DNAH8: variants seen among roughly 807,000 people sequenced by gnomAD.
DNAH8 encodes dynein axonemal heavy chain 8.
In DNAH8, 382 loss-of-function variants were observed where a neutral mutation model predicts 562.1. The ratio of observed to expected loss-of-function variants is 0.68; its 90% CI spans 0.63 to 0.74. The LOEUF is 0.74. Among genes scored for constraint, DNAH8 ranks in the 30% least tolerant of loss-of-function variants. The probability of loss-of-function intolerance (pLI) is 0.00; values close to 1 mark genes in which losing one functional copy is unlikely to be tolerated. For missense variants in DNAH8, 5,203 were observed against 5,620.4 expected, an observed-to-expected ratio of 0.93 and a Z score of 2.37; for synonymous variants, 1,881 against 1,919.4, an observed-to-expected ratio of 0.98 and a Z score of 0.52.
At chr6:38,735,492 C>CT (rs1176893399) in intron 5 of DNAH8, among the ~76,000 whole-genome samples, 2 of 152,238 alleles carry the variant, frequency 1.3e-5, no homozygotes, top group East Asian at 3.9e-4. Flanking sequence ...GGTAATCTGT[C>CT]TTTTTTTCTT....
chr6:38,957,900 T>C (rs1355501136), intron 82 of DNAH8, among the ~76,000 whole-genome samples: 2 of 93,558 alleles, frequency 2.1e-5, no homozygotes, highest in South Asian at 6.7e-4. Context: ...AGATCACAAA[T>C]AACCTAATGT....
chr6:38,911,546 G>A lies in DNAH8; in HGVS notation c.9819G>A (p.Lys3273=), dbSNP rs267601018. The A allele has an allele frequency of 3.1e-6, 5 of 1,613,106 alleles. No individual in the cohort carries two copies. The highest frequency in any genetic ancestry group is 1.3e-5 in the African/African-American group (1 of 74,868). Residue 3273 remains lysine (K), a synonymous_variant, in exon 66 of 93, where the codon AAG becomes AAA. Coordinates refer to ENST00000327475, the MANE Select transcript of DNAH8 (RefSeq NM_001206927.2). ...GTTATAAAAACATTTATGCTGAAAAGGTGAAGTTCATTAATGAACAGGCTG... is the reference window on the plus strand; with the variant it reads ...GTTATAAAAACATTTATGCTGAAAAAGTGAAGTTCATTAATGAACAGGCTG... ...INGYKNIYAE[K]VKFINEQAER...
At chr6:38,972,954 C>A in intron 83 of DNAH8, among the ~76,000 whole-genome samples, 1 of 152,080 alleles carries the variant, frequency 6.6e-6, no homozygotes, top group Non-Finnish European at 1.5e-5. Flanking sequence ...ATATGCCTTG[C>A]CATATATTTA....
rs763105332 is a variant in DNAH8, at chr6:39,012,597, G to A, written c.13674G>A (p.Arg4558=). 11 of 1,613,994 alleles carry A rather than the reference G, an allele frequency of 6.8e-6. No individual in the cohort carries two copies. Among genetic ancestry groups the A allele is most frequent in the South Asian group, 2.2e-5 (2 of 91,080 alleles). ...AQFSTWIFEG[R]PNVFWMTGFF... is the part of the protein sequence containing the mutation. ...TTTCTACGTGGATATTTGAAGGGAG[G>A]CCTAATGTGTTTTGGATGACTGGTT... The change falls in exon 91 of 93, where the codon AGG becomes AGA. Residue 4558 remains arginine (R), a synonymous_variant. Transcript: ENST00000327475.
chr6:39,019,410 T>C (rs759185500), intron 91 of DNAH8, among the ~76,000 whole-genome samples: 1 of 152,132 alleles, frequency 6.6e-6, no homozygotes, highest in Non-Finnish European at 1.5e-5. Flanking sequence ...AGCAAGAAGA[T>C]GTTGGTGGAG....
chr6:38,935,444 G>C, intron 76 of DNAH8, 148 bp from the exon 77 acceptor site: 4 of 601,712 alleles, frequency 6.6e-6, no homozygotes, highest in Non-Finnish European at 1.1e-5. Context: ...TGGATAGATA[G>C]ATTTGGCTAA....
In DNAH8 at chr6:38,951,498, A is replaced by T. The variant is rs764487812; in HGVS notation, c.12429A>T (p.Ala4143=). The change falls in exon 82 of 93, where the codon GCA becomes GCT. Residue 4143 remains alanine (A), a synonymous_variant. Transcript: ENST00000327475. ...MGSDPTNQID[A]LAKKLKLECR... is the part of the protein sequence containing the mutation. ...CTGACCCCACCAATCAAATTGATGC[A>T]TTGGCCAAGAAACTGAAACTGGGTA... 1.2e-6 allele frequency: 2 copies of T among 1,613,982 alleles called. No homozygotes were observed. The highest frequency in any genetic ancestry group is 1.7e-6 in the Non-Finnish European group (2 of 1,179,906).
rs767035370 is a variant in DNAH8, at chr6:38,872,833, A to G, written c.7237+51A>G. 1.9e-6 allele frequency: 3 copies of G among 1,608,508 alleles called. No homozygotes were observed. In the South Asian group the frequency reaches 3.3e-5, roughly 18 times the overall value. On this transcript the variant is annotated intron_variant, in intron 50 of 92. Coordinates refer to ENST00000327475, the MANE Select transcript of DNAH8 (RefSeq NM_001206927.2). ...ATTTTTTCCCTGCTAGCGTATTAAC[A>G]CAGTATTTTTTTGATTTTTCCATTT...
intron 11 of DNAH8, among the ~76,000 whole-genome samples, chr6:38,769,818 G>C (rs1409602740): frequency 6.6e-6 from 1 of 152,198 alleles, no homozygotes; most frequent in Admixed American, 6.6e-5. Flanking sequence ...ACTGGGTATT[G>C]ATGGTTTCAA....
intron 23 of DNAH8, 102 bp downstream of exon 23, chr6:38,805,698 C>T (rs915954767): frequency 1.1e-5 from 7 of 613,560 alleles, no homozygotes; most frequent in African/African-American, 9.3e-5. Flanking sequence ...TGCAACCAAT[C>T]TAATTTCTAA....
chr6:38,799,111 T>A (rs569327025), intron 21 of DNAH8, among the ~76,000 whole-genome samples: 1 of 152,264 alleles, frequency 6.6e-6, no homozygotes, highest in East Asian at 1.9e-4. Flanking sequence ...AGAGAATGGT[T>A]GGCAGGACAT....
intron 88 of DNAH8, among the ~76,000 whole-genome samples, chr6:38,998,998 G>C (rs748183380): frequency 8.5e-5 from 13 of 152,158 alleles, no homozygotes; most frequent in Non-Finnish European, 1.6e-4. Flanking sequence ...TGTGGAAAAA[G>C]AAATGTGAGT....
In DNAH8 at chr6:38,957,036, C is replaced by T. The variant is rs73410584; in HGVS notation, c.12451+5516C>T. Among the ~76,000 whole-genome samples, 993 of 152,202 alleles carry T rather than the reference C, an allele frequency of 6.5e-3. 15 individuals carry two copies. Among genetic ancestry groups the T allele is most frequent in the African/African-American group, 0.023 (937 of 41,536 alleles). ...AAAAGACCCAGCTATATGCTGCCTA[C>T]AAGAGACTCATTTTACCTGGAAGGA... On this transcript the variant is annotated intron_variant, in intron 82 of 92. Coordinates refer to ENST00000327475, the MANE Select transcript of DNAH8 (RefSeq NM_001206927.2).
At chr6:38,967,615 AT>A (rs1763060067) in intron 82 of DNAH8, among the ~76,000 whole-genome samples, 1 of 152,112 alleles carries the variant, frequency 6.6e-6, no homozygotes, top group Non-Finnish European at 1.5e-5. Flanking sequence ...AAAAAACATC[AT>A]TAAAAAATTA....
intron 23 of DNAH8, among the ~76,000 whole-genome samples, chr6:38,806,791 T>A (rs66691708): frequency 0.045 from 3,498 of 78,034 alleles, 121 homozygotes; most frequent in African/African-American, 0.13. Flanking sequence ...AAAAAAAAAA[T>A]AATAATAATA....
At chr6:38,982,521 C>A in intron 86 of DNAH8, 59 bp downstream of exon 86, 1 of 951,738 alleles carries the variant, frequency 1.1e-6, no homozygotes, top group Non-Finnish European at 1.7e-6. Context: ...CAGGGTTCTA[C>A]AGTCATTTGA....
chr6:38,754,809 A>C (rs930183916), intron 9 of DNAH8, among the ~76,000 whole-genome samples: 1 of 152,132 alleles, frequency 6.6e-6, no homozygotes, highest in Admixed American at 6.5e-5. Flanking sequence ...AGATTCTAAG[A>C]CTTTTTTTCA....
chr6:38,773,256 A>T (rs879597813), intron 12 of DNAH8, among the ~76,000 whole-genome samples: 1 of 117,478 alleles, frequency 8.5e-6, no homozygotes, highest in Non-Finnish European at 2.1e-5. Flanking sequence ...GGTCTCAGTT[A>T]CCCCTACCCC....
intron 15 of DNAH8, among the ~76,000 whole-genome samples, chr6:38,780,955 A>G (rs1768528670): frequency 6.6e-6 from 1 of 152,200 alleles, no homozygotes. Flanking sequence ...TACTATTATG[A>G]CAGATATTAA....
Sources: allele counts gnomAD v4.1 joint callset (sites outside exome capture counted in the v4.1 genomes callset), GRCh38; gene constraint gnomAD v4.1.1; transcripts MANE v1.5; gene names NCBI Gene and HGNC (gene_info 2026-07-23, HGNC 2026-07-21).